KCNK2: variants seen among roughly 807,000 people sequenced by gnomAD.
KCNK2 encodes the protein potassium channel subfamily K member 2.
KCNK2 carries 21 observed loss-of-function variants against 40.5 expected under a neutral mutation model. That is an observed-to-expected ratio of 0.52 (90% CI 0.37 to 0.75). The LOEUF (loss-of-function observed/expected upper bound fraction) is 0.75. KCNK2 is among the 30% of genes least tolerant of loss of function. The pLI is 0.00. For missense variants in KCNK2, 399 were observed against 531.6 expected, an observed-to-expected ratio of 0.75 and a Z score of 2.45; for synonymous variants, 191 against 202.2, an observed-to-expected ratio of 0.94 and a Z score of 0.47.
At chr1:215,157,245 C>T (rs1410960306) in intron 3 of KCNK2, among the ~76,000 whole-genome samples, 3 of 152,192 alleles carry the variant, frequency 2.0e-5, no homozygotes, top group Non-Finnish European at 4.4e-5. Context: ...AAGGCTGAAT[C>T]TGTCTCAGAG....
intron 3 of KCNK2, among the ~76,000 whole-genome samples, chr1:215,162,033 A>G (rs1347425765): frequency 2.0e-5 from 3 of 152,202 alleles, no homozygotes; most frequent in African/African-American, 7.2e-5. Flanking sequence ...ACTAATTTAC[A>G]GTACCAACAA....
chr1:215,205,342 A>AT (rs2102678131), intron 6 of KCNK2, among the ~76,000 whole-genome samples: 1 of 151,976 alleles, frequency 6.6e-6, no homozygotes, highest in African/African-American at 2.4e-5. Flanking sequence ...GGTTCAAGCG[A>AT]TTTTTCTGCC....
At chr1:215,128,173 T>A (rs1661517269) in intron 3 of KCNK2, among the ~76,000 whole-genome samples, 2 of 152,148 alleles carry the variant, frequency 1.3e-5, no homozygotes, top group Non-Finnish European at 2.9e-5. Flanking sequence ...TTTTCCTTAG[T>A]AGGCATTGTC....
intron 3 of KCNK2, among the ~76,000 whole-genome samples, chr1:215,127,284 G>T (rs898337479): frequency 6.6e-6 from 1 of 152,046 alleles, no homozygotes; most frequent in Non-Finnish European, 1.5e-5. Flanking sequence ...AAACAGACAT[G>T]ATCCTTACTA....
intron 2 of KCNK2, among the ~76,000 whole-genome samples, chr1:215,104,652 C>T (rs1660358374): frequency 6.6e-6 from 1 of 151,896 alleles, no homozygotes; most frequent in Non-Finnish European, 1.5e-5. Context: ...CACCAAAATG[C>T]CCAAGTGAGG....
At chr1:215,066,929 AT>A (rs1394578486) in intron 1 of KCNK2, among the ~76,000 whole-genome samples, 1 of 152,110 alleles carries the variant, frequency 6.6e-6, no homozygotes, top group Admixed American at 6.6e-5. Flanking sequence ...ATATGATATA[AT>A]TTTTGTAAAT....
intron 1 of KCNK2, among the ~76,000 whole-genome samples, chr1:215,073,120 C>T (rs181279290): frequency 7.2e-5 from 11 of 152,002 alleles, no homozygotes; most frequent in Middle Eastern, 3.2e-3. Context: ...GAGACTGGAG[C>T]GCTGCGTCTA....
intron 1 of KCNK2, among the ~76,000 whole-genome samples, chr1:215,030,313 G>GT (rs34437031): frequency 0.12 from 17,492 of 151,984 alleles, 1,119 homozygotes; most frequent in Middle Eastern, 0.24. Context: ...CCTTTATCAG[G>GT]TATTTCCATT....
intron 1 of KCNK2, among the ~76,000 whole-genome samples, chr1:215,020,714 G>T (rs540877976): frequency 6.6e-6 from 1 of 152,300 alleles, no homozygotes; most frequent in African/African-American, 2.4e-5. Flanking sequence ...GTGAGACACC[G>T]TGCTGGGCCA....
At chr1:215,155,947 A>G (rs754287759) in intron 3 of KCNK2, among the ~76,000 whole-genome samples, 2 of 152,134 alleles carry the variant, frequency 1.3e-5, no homozygotes, top group African/African-American at 2.4e-5. Context: ...AAGAATATTT[A>G]TTGATTGTCA....
chr1:215,045,160 G>A (rs1195209704), intron 1 of KCNK2, among the ~76,000 whole-genome samples: 1 of 151,680 alleles, frequency 6.6e-6, no homozygotes, highest in Non-Finnish European at 1.5e-5. Context: ...CTCCAGCCTG[G>A]GCGACAGAGC....
At chr1:215,187,052 C>G (rs1664467040) in intron 5 of KCNK2, among the ~76,000 whole-genome samples, 2 of 152,162 alleles carry the variant, frequency 1.3e-5, no homozygotes, top group South Asian at 4.1e-4. Context: ...TCACTGCAGC[C>G]TCGACATTCT....
chr1:215,127,547 T>G (rs1661489207), intron 3 of KCNK2, among the ~76,000 whole-genome samples: 1 of 152,182 alleles, frequency 6.6e-6, no homozygotes, highest in South Asian at 2.1e-4. Flanking sequence ...CTTTAACCAC[T>G]GCTCCACATT....
chr1:215,142,091 A>G (rs1391710603), intron 3 of KCNK2, among the ~76,000 whole-genome samples: 1 of 151,692 alleles, frequency 6.6e-6, no homozygotes, highest in Non-Finnish European at 1.5e-5. Flanking sequence ...TTTCTCTTCT[A>G]CTCCTTAATT....
intron 1 of KCNK2, among the ~76,000 whole-genome samples, chr1:215,014,075 G>C (rs1469943814): frequency 6.6e-6 from 1 of 152,036 alleles, no homozygotes; most frequent in Non-Finnish European, 1.5e-5. Flanking sequence ...TCAGGTTAAG[G>C]AAATTCTCTT....
chr1:215,029,387 T>A (rs922900245), intron 1 of KCNK2, among the ~76,000 whole-genome samples: 39 of 38,786 alleles, frequency 1.0e-3, no homozygotes, highest in African/African-American at 1.7e-3. Context: ...ATAATCTATT[T>A]GGATTTTTTT....
At chr1:215,071,755 G>A (rs2102515918) in intron 1 of KCNK2, among the ~76,000 whole-genome samples, 1 of 152,246 alleles carries the variant, frequency 6.6e-6, no homozygotes, top group African/African-American at 2.4e-5. Flanking sequence ...ATTTTGGGTG[G>A]ATGAGGAGCT....
Position 215,103,618 on chromosome 1 carries a change from A to C in KCNK2, c.357+16940A>C, listed in dbSNP as rs191210862. 4.5e-4 allele frequency among the ~76,000 whole-genome samples: 69 copies of C among 152,180 alleles called. No individual in the cohort carries two copies. The East Asian group carries it at 0.011, about 24-fold the overall frequency. On this transcript the variant is annotated intron_variant, in intron 2 of 6. Coordinates refer to ENST00000444842, the MANE Select transcript of KCNK2 (RefSeq NM_001017425.3). ...GCTCTTGATTTAAGCAGGCCTAAAA[A>C]TCTATTTCATGAGGGTAATTTAAAA...
At chr1:215,209,368 T>C in intron 6 of KCNK2, among the ~76,000 whole-genome samples, 1 of 58,202 alleles carries the variant, frequency 1.7e-5, no homozygotes, top group African/African-American at 6.0e-5. Context: ...AATATATGCA[T>C]ATATTATATA....
Sources: allele counts gnomAD v4.1 joint callset (sites outside exome capture counted in the v4.1 genomes callset), GRCh38; gene constraint gnomAD v4.1.1; transcripts MANE v1.5; gene names NCBI Gene and HGNC (gene_info 2026-07-23, HGNC 2026-07-21).